Variants in CASKIN2 observed in about 807,000 individuals in gnomAD.
CASKIN2 encodes the protein caskin-2.
In CASKIN2, 41 loss-of-function variants were observed where a neutral mutation model predicts 107.1. The observed-to-expected ratio is 0.38, with a 90% CI of 0.30 to 0.50. CASKIN2 has a LOEUF of 0.50. CASKIN2 is among the 20% of genes least tolerant of loss of function. The pLI is 0.92. For synonymous variants in CASKIN2, 724 were observed against 705.6 expected (o/e 1.03, Z -0.41); for missense variants, 1,546 against 1,657.4 (o/e 0.93, Z 1.17).
rs370163345 is a variant in CASKIN2, at chr17:75,506,540, C to T, written c.617+43G>A. 1.4e-5 allele frequency: 23 copies of T among 1,607,260 alleles called. No homozygotes were observed. Among genetic ancestry groups the T allele is most frequent in the Non-Finnish European group, 1.9e-5 (22 of 1,176,698 alleles). On this transcript the variant is annotated intron_variant, in intron 7 of 19. Coordinates refer to ENST00000321617, the MANE Select transcript of CASKIN2 (RefSeq NM_020753.5). This position sits in a 1 kb window ranked among gnomAD's most constrained non-coding sequence, Gnocchi z 4.8. ...GAGAGCACTGAGGGGCACCGATGGTCCCGCAGGCAGGTGATGAGGAAGCGA... is the reference window on the plus strand; with the variant it reads ...GAGAGCACTGAGGGGCACCGATGGTTCCGCAGGCAGGTGATGAGGAAGCGA...
chr17:75,506,495 G>A lies in CASKIN2; in HGVS notation c.618-82C>T, dbSNP rs1285550370. 16 of 1,591,292 alleles carry A rather than the reference G, an allele frequency of 1.0e-5. No individual in the cohort carries two copies. Among genetic ancestry groups the A allele is most frequent in the East Asian group, 4.5e-5 (2 of 44,680 alleles). ...TGGGGGCCTGGGAGATGGAGAGCCCGGGTGAAAAGGGCAGTGGGGGAGAGC... is the reference window on the plus strand; with the variant it reads ...TGGGGGCCTGGGAGATGGAGAGCCCAGGTGAAAAGGGCAGTGGGGGAGAGC... On this transcript the variant is annotated intron_variant, in intron 7 of 19. Coordinates refer to ENST00000321617, the MANE Select transcript of CASKIN2 (RefSeq NM_020753.5). This position sits in a 1 kb window ranked among gnomAD's most constrained non-coding sequence, Gnocchi z 4.8.
chr17:75,508,243 T>C lies in CASKIN2; in HGVS notation c.137A>G (p.Asp46Gly). 6.2e-7 allele frequency: 1 copy of C among 1,613,904 alleles called. No homozygotes were observed. Among genetic ancestry groups the C allele is most frequent in the Non-Finnish European group, 8.5e-7 (1 of 1,179,916 alleles). Residue 46 changes from aspartate to glycine, a missense_variant, in exon 3 of 20, where the codon GAT (aspartate) becomes GGT (glycine). Asp to Gly is a moderately conservative substitution (Grantham distance 94). Coordinates refer to ENST00000321617, the MANE Select transcript of CASKIN2 (RefSeq NM_020753.5). The part of the protein sequence containing the change: ...STKRLNVNYQ[D>G]ADGFSALHHA... ...AGGGGCTCCCACTCACCCATCAGCATCCTGGTAGTTCACGTTGAGCCTCTT... is the reference window on the plus strand; with the variant it reads ...AGGGGCTCCCACTCACCCATCAGCACCCTGGTAGTTCACGTTGAGCCTCTT...
Position 75,505,048 on chromosome 17 carries a change from C to T in CASKIN2, c.956G>A (p.Arg319His), listed in dbSNP as rs1006153036. 7.4e-6 allele frequency: 12 copies of T among 1,611,312 alleles called. No homozygotes were observed. The highest frequency in any genetic ancestry group is 1.1e-5 in the South Asian group (1 of 91,032). Residue 319 changes from arginine (R) to histidine (H), a missense_variant, in exon 11 of 20, where the codon CGC becomes CAC. By Grantham distance (29) the Arg-to-His change is conservative. This residue lies in a region of CASKIN2 where 1,311 missense variants were observed against 1,311.0 expected (regional missense o/e 1.00). Coordinates refer to ENST00000321617, the MANE Select transcript of CASKIN2 (RefSeq NM_020753.5). The surrounding 1 kb of genome is among the most constrained non-coding windows in gnomAD (Gnocchi z 5.1). ...GCTCTCGTGGATGTGGCCCTTCCAG[C>T]GGCCGTCGGGATGCTGTTCTAGCAC... ...ITVLEQHPDG[R>H]WKGHIHESQR...
Position 75,504,656 on chromosome 17 carries a change from C to A in CASKIN2, c.1230G>T (p.Val410=). The change falls in exon 12 of 20, where the codon GTG becomes GTT. Residue 410 remains valine, a synonymous_variant. Coordinates refer to ENST00000321617, the MANE Select transcript of CASKIN2 (RefSeq NM_020753.5). ...DRNSVGSEGS[V]GSIRSAGSGQ... ...CGCTGCCGGCACTGCGGATGCTGCC[C>A]ACGCTGCCCTCACTGCCCACACTAT... 6.2e-7 allele frequency: 1 copy of A among 1,605,206 alleles called. No homozygotes were observed.
In CASKIN2 at chr17:75,513,824, T is replaced by C; in HGVS notation, c.-20A>G. The C allele has an allele frequency of 6.2e-7, 1 of 1,608,778 alleles. No homozygotes were observed. Among genetic ancestry groups the C allele is most frequent in the Non-Finnish European group, 8.5e-7 (1 of 1,176,278 alleles). ...ACCCATACTGGCTCCTGGGCTGAGC[T>C]CTACACTCAGGAGTCCAGGGCAAAG... On this transcript the variant is annotated 5_prime_UTR_variant, in exon 2 of 20. Transcript: ENST00000321617.
chr17:75,502,016 C>T lies in CASKIN2; in HGVS notation c.3058G>A (p.Ala1020Thr), dbSNP rs758823462. Residue 1020 changes from alanine to threonine, a missense_variant, in exon 18 of 20, where the codon GCC becomes ACC. This residue lies in a region of CASKIN2 where 1,311 missense variants were observed against 1,311.0 expected (regional missense o/e 1.00). Coordinates refer to ENST00000321617, the MANE Select transcript of CASKIN2 (RefSeq NM_020753.5). This position sits in a 1 kb window ranked among gnomAD's most constrained non-coding sequence, Gnocchi z 4.3. The part of the protein sequence containing the change: ...GVASATPGPA[A>T]PLPSPTPGES... ...CCAGGAGTTGGGGAAGGCAGTGGGG[C>T]AGCGGGGCCAGGCGTGGCACTGGCC... is the stretch of plus-strand genomic sequence containing the variant. The T allele has an allele frequency of 5.6e-6, 9 of 1,612,624 alleles. No homozygotes were observed. In the South Asian group the frequency reaches 9.9e-5, roughly 18 times the overall value.
At chr17:75,511,873 A>T (rs1452267688) in intron 2 of CASKIN2, among the ~76,000 whole-genome samples, 4 of 152,020 alleles carry the variant, frequency 2.6e-5, no homozygotes, top group Admixed American at 1.3e-4. Context: ...CCTCACTTTG[A>T]GGACCCAGAG....
Position 75,501,700 on chromosome 17 carries a change from C to T in CASKIN2, c.3296-10G>A. The T allele has an allele frequency of 1.3e-6, 2 of 1,548,346 alleles. No individual in the cohort carries two copies. Among genetic ancestry groups the T allele is most frequent in the South Asian group, 1.2e-5 (1 of 83,132 alleles). ...GGCTTGGGGGCTGTTCCTGCAGAGA[C>T]AAAAAGGTTGGCTTGGGACTTGGCT... is the stretch of plus-strand genomic sequence containing the variant. On this transcript the variant is annotated splice_polypyrimidine_tract_variant and intron_variant, in intron 18 of 19. Transcript: ENST00000321617.
chr17:75,503,728 C>A lies in CASKIN2; in HGVS notation c.1611G>T (p.Gly537=). The A allele has an allele frequency of 6.2e-7, 1 of 1,612,500 alleles. No homozygotes were observed. The highest frequency in any genetic ancestry group is 8.5e-7 in the Non-Finnish European group (1 of 1,179,990). The change falls in exon 16 of 20, where the codon GGG becomes GGT. Residue 537 remains glycine, a synonymous_variant. Transcript: ENST00000321617. ...TCTCTGAGGCGATCTTCTTCCTGTG[C>A]CCAGGCTTGGTCACCCCGATGGCCG... ...DLTAIGVTKP[G]HRKKIASEIA...
chr17:75,505,468 A>G lies in CASKIN2; in HGVS notation c.930+89T>C. 1 of 1,238,576 alleles carries G rather than the reference A, an allele frequency of 8.1e-7. No homozygotes were observed. Among genetic ancestry groups the G allele is most frequent in the African/African-American group, 1.5e-5 (1 of 67,574 alleles). 76.7% of individuals were successfully genotyped at this position (1,238,576 alleles called of 1,614,324 possible). ...AAATGAGGGTGCATATAGAGACCTC[A>G]GAGCAGAACGTGGTAACATAGCAGG... On this transcript the variant is annotated intron_variant, in intron 10 of 19. Transcript: ENST00000321617. This position sits in a 1 kb window ranked among gnomAD's most constrained non-coding sequence, Gnocchi z 5.1.
rs1567996602 is a variant in CASKIN2, at chr17:75,507,662, C to T, written c.166G>A (p.Ala56Thr). 1 of 1,612,708 alleles carries T rather than the reference C, an allele frequency of 6.2e-7. No individual in the cohort carries two copies. Among genetic ancestry groups the T allele is most frequent in the Non-Finnish European group, 8.5e-7 (1 of 1,179,446 alleles). Residue 56 changes from alanine (A) to threonine (T), a missense_variant, in exon 4 of 20, where the codon GCT becomes ACT. By Grantham distance (58) the Ala-to-Thr change is moderately conservative. Coordinates refer to ENST00000321617, the MANE Select transcript of CASKIN2 (RefSeq NM_020753.5). ...DADGFSALHH[A>T]ALGGSLELIA... Reference sequence around the variant, plus strand: ...AGCTCCAGGCTGCCCCCCAAAGCAGCGTGGTGGAGGGCAGAGAATCTGATG... The same window carrying T: ...AGCTCCAGGCTGCCCCCCAAAGCAGTGTGGTGGAGGGCAGAGAATCTGATG...
intron 3 of CASKIN2, 71 bp from the exon 4 acceptor site, chr17:75,507,752 C>T: frequency 8.4e-7 from 1 of 1,196,902 alleles, no homozygotes; most frequent in South Asian, 1.3e-5. Flanking sequence ...GTCTTCCATA[C>T]CCGAACCTAT....
intron 14 of CASKIN2, 62 bp from the exon 15 acceptor site, chr17:75,504,024 A>AG: frequency 6.9e-7 from 1 of 1,450,544 alleles, no homozygotes; most frequent in East Asian, 2.4e-5. Context: ...AGCCCCCACC[A>AG]GGGGCTCAGG....
Position 75,502,657 on chromosome 17 carries a change from G to T in CASKIN2, c.2417C>A (p.Pro806His). 6.2e-7 allele frequency: 1 copy of T among 1,604,350 alleles called. No homozygotes were observed. Among genetic ancestry groups the T allele is most frequent in the Non-Finnish European group, 8.5e-7 (1 of 1,175,312 alleles). The change falls in exon 18 of 20, where the codon CCC becomes CAC. Residue 806 changes from proline (P) to histidine (H), a missense_variant. Pro to His is a moderately conservative substitution (Grantham distance 77). Around this residue, in one of 6 missense-constraint regions of CASKIN2, gnomAD observed 1,311 missense variants for 1,311.0 expected, o/e 1.00. Transcript: ENST00000321617. This position sits in a 1 kb window ranked among gnomAD's most constrained non-coding sequence, Gnocchi z 4.3. Reference sequence around the variant, plus strand: ...CTCCCCCTCAGCATCCCCCTCTGTGGGGCCAGGGCGGCTTAGGCTGTGGGA... The same window carrying T: ...CTCCCCCTCAGCATCCCCCTCTGTGTGGCCAGGGCGGCTTAGGCTGTGGGA... Reference protein sequence around the residue: ...RRSHSLSRPGPTEGDAEGEAE... With the variant: ...RRSHSLSRPGHTEGDAEGEAE...
Position 75,505,598 on chromosome 17 carries a change from C to T in CASKIN2, c.889G>A (p.Asp297Asn). 2 of 1,613,578 alleles carry T rather than the reference C, an allele frequency of 1.2e-6. No homozygotes were observed. The highest frequency in any genetic ancestry group is 1.7e-6 in the Non-Finnish European group (2 of 1,179,988). ...GCCCGGACATTGAGAGCAGTGGGAT[C>T]GTGGAGGTTCCAGAAATCCTTGAGC... ...RALKDFWNLH[D>N]PTALNVRAGD... The change falls in exon 10 of 20, where the codon GAT (aspartate) becomes AAT (asparagine). Residue 297 changes from aspartate to asparagine, a missense_variant. Physicochemically the swap from Asp to Asn is conservative, Grantham distance 23. This residue lies in a region of CASKIN2 where 1,311 missense variants were observed against 1,311.0 expected (regional missense o/e 1.00). Coordinates refer to ENST00000321617, the MANE Select transcript of CASKIN2 (RefSeq NM_020753.5). The surrounding 1 kb of genome is among the most constrained non-coding windows in gnomAD (Gnocchi z 5.1).
chr17:75,505,100 C>T lies in CASKIN2; in HGVS notation c.931-27G>A, dbSNP rs754662931. 53 of 1,603,166 alleles carry T rather than the reference C, an allele frequency of 3.3e-5. No individual in the cohort carries two copies. Among genetic ancestry groups the T allele is most frequent in the East Asian group, 1.1e-4 (5 of 44,810 alleles). On this transcript the variant is annotated intron_variant, in intron 10 of 19. Transcript: ENST00000321617. This position sits in a 1 kb window ranked among gnomAD's most constrained non-coding sequence, Gnocchi z 5.1. ...TGCGGCCAGGGGTGGGGGGCGGGGA[C>T]GGTCACTCCCAGCACCAGGCAAGTG...
chr17:75,502,469 G>A lies in CASKIN2; in HGVS notation c.2605C>T (p.Pro869Ser). 2 of 1,450,650 alleles carry A rather than the reference G, an allele frequency of 1.4e-6. No individual in the cohort carries two copies. Among genetic ancestry groups the A allele is most frequent in the South Asian group, 2.9e-5 (2 of 68,182 alleles). 89.9% of individuals were successfully genotyped at this position (1,450,650 alleles called of 1,614,324 possible). The change falls in exon 18 of 20, where the codon CCG becomes TCG. Residue 869 changes from proline to serine, a missense_variant. Around this residue, in one of 6 missense-constraint regions of CASKIN2, gnomAD observed 1,311 missense variants for 1,311.0 expected, o/e 1.00. Coordinates refer to ENST00000321617, the MANE Select transcript of CASKIN2 (RefSeq NM_020753.5). The surrounding 1 kb of genome is among the most constrained non-coding windows in gnomAD (Gnocchi z 4.3). ...FALRARRKGP[P>S]PPPPKRLSSV... ...CTGAGGCGCTTGGGGGGCGGGGGCG[G>A]GGGGCCTTTGCGCCGGGCCCGCAGG...
At position 75,502,085 on chromosome 17, in the gene CASKIN2, G is replaced by C; in HGVS notation, c.2989C>G (p.Arg997Gly). The change falls in exon 18 of 20, where the codon CGG becomes GGG. Residue 997 changes from arginine to glycine, a missense_variant. Around this residue, in one of 6 missense-constraint regions of CASKIN2, gnomAD observed 1,311 missense variants for 1,311.0 expected, o/e 1.00. Transcript: ENST00000321617. This position sits in a 1 kb window ranked among gnomAD's most constrained non-coding sequence, Gnocchi z 4.3. ...SDTVKRRPKC[R>G]EREPLQTALL... is the part of the protein sequence containing the mutation. ...GCGGTCTGCAGTGGCTCTCTCTCCCGGCACTTGGGCCTCCGCTTAACAGTG... is the reference window on the plus strand; with the variant it reads ...GCGGTCTGCAGTGGCTCTCTCTCCCCGCACTTGGGCCTCCGCTTAACAGTG... The C allele has an allele frequency of 6.2e-7, 1 of 1,610,738 alleles. No homozygotes were observed. Among genetic ancestry groups the C allele is most frequent in the Non-Finnish European group, 8.5e-7 (1 of 1,179,884 alleles).
chr17:75,505,582 T>C lies in CASKIN2; in HGVS notation c.905A>G (p.Asn302Ser), dbSNP rs763426036. The change falls in exon 10 of 20, where the codon AAT becomes AGT. Residue 302 changes from asparagine (N) to serine (S), a missense_variant. Around this residue, in one of 6 missense-constraint regions of CASKIN2, gnomAD observed 1,311 missense variants for 1,311.0 expected, o/e 1.00. Transcript: ENST00000321617. This position sits in a 1 kb window ranked among gnomAD's most constrained non-coding sequence, Gnocchi z 5.1. ...CGTGATGACATCCCCTGCCCGGACA[T>C]TGAGAGCAGTGGGATCGTGGAGGTT... Reference protein sequence around the residue: ...FWNLHDPTALNVRAGDVITVL... With the variant: ...FWNLHDPTALSVRAGDVITVL... 62 of 1,613,474 alleles carry C rather than the reference T, an allele frequency of 3.8e-5. No individual in the cohort carries two copies. Among genetic ancestry groups the C allele is most frequent in the Non-Finnish European group, 5.0e-5 (59 of 1,179,978 alleles).
Sources: allele counts gnomAD v4.1 joint callset (sites outside exome capture counted in the v4.1 genomes callset), GRCh38; gene constraint gnomAD v4.1.1; regional missense constraint gnomAD v4.1.1; non-coding constraint Gnocchi (gnomAD v3.1); transcripts MANE v1.5; gene names NCBI Gene and HGNC (gene_info 2026-07-23, HGNC 2026-07-21).